TNFRSF19: variants seen among roughly 807,000 people sequenced by gnomAD.
TNFRSF19 encodes the protein tumor necrosis factor receptor superfamily member 19.
TNFRSF19 carries 27 observed loss-of-function variants against 46.4 expected under a neutral mutation model. That is an observed-to-expected ratio of 0.58 (90% CI 0.43 to 0.80). TNFRSF19 has a LOEUF of 0.80. TNFRSF19 is among the 30% of genes least tolerant of loss of function. The pLI is 0.00. For synonymous variants in TNFRSF19, 204 were observed against 205.0 expected, an observed-to-expected ratio of 1.00 and a Z score of 0.04; for missense variants, 511 against 530.8, an observed-to-expected ratio of 0.96 and a Z score of 0.37.
intron 3 of TNFRSF19, among the ~76,000 whole-genome samples, chr13:23,602,248 GCAAAGA>G (rs1287445349): frequency 6.6e-6 from 1 of 152,090 alleles, no homozygotes; most frequent in Non-Finnish European, 1.5e-5. Context: ...AGACTTCAAA[GCAAAGA>G]CAGATGTCAG....
At chr13:23,592,997 A>T (rs1489456316) in intron 2 of TNFRSF19, among the ~76,000 whole-genome samples, 1 of 146,392 alleles carries the variant, frequency 6.8e-6, no homozygotes, top group African/African-American at 2.5e-5. Flanking sequence ...TTTTTTTTTT[A>T]AATATCTTCT....
At chr13:23,574,869 T>C (rs1877857128) in intron 1 of TNFRSF19, among the ~76,000 whole-genome samples, 1 of 152,224 alleles carries the variant, frequency 6.6e-6, no homozygotes, top group Non-Finnish European at 1.5e-5. Flanking sequence ...CCAAAATCAA[T>C]ACTCACTTCT....
chr13:23,572,807 CTT>C (rs754235679), intron 1 of TNFRSF19, among the ~76,000 whole-genome samples: 2 of 152,222 alleles, frequency 1.3e-5, no homozygotes, highest in Non-Finnish European at 1.5e-5. Flanking sequence ...CACAAAATGA[CTT>C]TGGCAGATAT....
intron 7 of TNFRSF19, among the ~76,000 whole-genome samples, chr13:23,664,445 C>G (rs1243857533): frequency 6.6e-6 from 1 of 152,096 alleles, no homozygotes; most frequent in African/African-American, 2.4e-5. Context: ...CCCCCACCAC[C>G]CTACCACCTT....
At chr13:23,574,749 G>A (rs1281047189) in intron 1 of TNFRSF19, among the ~76,000 whole-genome samples, 1 of 152,164 alleles carries the variant, frequency 6.6e-6, no homozygotes, top group African/African-American at 2.4e-5. Context: ...TGATGGGAGG[G>A]CAGAGGGAGG....
At chr13:23,673,225 T>TACA in intron 9 of TNFRSF19, 147 bp from the exon 10 acceptor site, 1 of 770,892 alleles carries the variant, frequency 1.3e-6, no homozygotes, top group Non-Finnish European at 1.9e-6. Context: ...TTGGATACTA[T>TACA]TGAATGAGTT....
chr13:23,667,068 T>G (rs4454820), intron 7 of TNFRSF19, among the ~76,000 whole-genome samples: 25,673 of 149,670 alleles, frequency 0.17, 2,233 homozygotes, highest in South Asian at 0.21. Flanking sequence ...GTGTGTGTCT[T>G]TGTGTGTGTG....
chr13:23,641,514 G>A (rs565068392), intron 5 of TNFRSF19, among the ~76,000 whole-genome samples: 1 of 152,074 alleles, frequency 6.6e-6, no homozygotes, highest in South Asian at 2.1e-4. Context: ...TATTTTTAGC[G>A]GAGATGGGAT....
chr13:23,571,157 C>T (rs540485604), intron 1 of TNFRSF19, among the ~76,000 whole-genome samples: 34 of 152,326 alleles, frequency 2.2e-4, no homozygotes, highest in African/African-American at 8.2e-4. Flanking sequence ...GGTACTTCAA[C>T]CCCTGAGATC....
intron 5 of TNFRSF19, among the ~76,000 whole-genome samples, chr13:23,641,942 A>G (rs1017450038): frequency 6.6e-6 from 1 of 152,254 alleles, no homozygotes; most frequent in Non-Finnish European, 1.5e-5. Flanking sequence ...CACTTGGGCA[A>G]AGTCATCTAA....
chr13:23,671,507 G>GA (rs5802247), intron 9 of TNFRSF19, among the ~76,000 whole-genome samples: 2,483 of 149,254 alleles, frequency 0.017, 71 homozygotes, highest in African/African-American at 0.056. Context: ...CCAGATGCTG[G>GA]AAAAAAAAAA....
intron 8 of TNFRSF19, among the ~76,000 whole-genome samples, 199 bp downstream of exon 8, chr13:23,668,281 T>G (rs1391182466): frequency 2.6e-5 from 4 of 152,226 alleles, no homozygotes; most frequent in African/African-American, 9.6e-5. Flanking sequence ...CAACATTCTT[T>G]ACACTTTACT....
chr13:23,591,552 G>A (rs1044959883), intron 2 of TNFRSF19, among the ~76,000 whole-genome samples: 1 of 152,036 alleles, frequency 6.6e-6, no homozygotes, highest in Non-Finnish European at 1.5e-5. Flanking sequence ...ATTGGAGGCT[G>A]TTAAACATTG....
intron 7 of TNFRSF19, among the ~76,000 whole-genome samples, chr13:23,666,464 T>C (rs998591788): frequency 3.3e-5 from 5 of 152,220 alleles, no homozygotes; most frequent in African/African-American, 4.8e-5. Flanking sequence ...TGGACTGTAT[T>C]CAGTGGGTTG....
chr13:23,651,152 T>C (rs1468452356), intron 5 of TNFRSF19, among the ~76,000 whole-genome samples: 1 of 152,230 alleles, frequency 6.6e-6, no homozygotes, highest in Non-Finnish European at 1.5e-5. Context: ...AATAGATTCA[T>C]CATCAGGTTT....
In TNFRSF19 at chr13:23,673,521, G is replaced by A. The variant is rs1333118781; in HGVS notation, c.*141G>A. ...CTGAACCAAACTGACGGCATTTGAA[G>A]CCTTTCAGCCAGTTGCTTCTGAGCC... On this transcript the variant is annotated 3_prime_UTR_variant, in exon 10 of 10. Transcript: ENST00000248484. The A allele has an allele frequency of 6.0e-6, 8 of 1,330,226 alleles. No individual in the cohort carries two copies. Among genetic ancestry groups the A allele is most frequent in the African/African-American group, 6.0e-5 (4 of 66,760 alleles). The allele number at this position is 1,330,226 out of a possible 1,614,324, so 82.4% of individuals were successfully genotyped here.
intron 5 of TNFRSF19, among the ~76,000 whole-genome samples, chr13:23,656,840 A>G (rs903263762): frequency 2.6e-5 from 4 of 152,020 alleles, no homozygotes; most frequent in Admixed American, 1.3e-4. Flanking sequence ...CGTGGGATGC[A>G]AGTTCCTCTC....
chr13:23,591,325 C>T (rs956058357), intron 2 of TNFRSF19, among the ~76,000 whole-genome samples: 9 of 152,034 alleles, frequency 5.9e-5, no homozygotes, highest in African/African-American at 9.7e-5. Context: ...TGGTGATGCA[C>T]ACCTGTAATC....
chr13:23,598,259 T>A (rs548791881), intron 3 of TNFRSF19, among the ~76,000 whole-genome samples: 291 of 152,172 alleles, frequency 1.9e-3, no homozygotes, highest in Non-Finnish European at 3.2e-3. Flanking sequence ...AGGGGAGGGA[T>A]AGCATTAGGA....
Sources: gnomAD v4.1 joint callset for allele counts (sites outside exome capture counted in the v4.1 genomes callset) on GRCh38, gnomAD v4.1.1 for gene constraint, MANE v1.5 for transcripts, NCBI Gene and HGNC (gene_info 2026-07-23, HGNC 2026-07-21) for gene names.